MID1: variants seen among roughly 807,000 people sequenced by gnomAD.
The protein encoded by MID1 is midline 1.
MID1 carries 7 observed loss-of-function variants against 40.4 expected under a neutral mutation model. The observed-to-expected ratio is 0.17, with a 90% CI of 0.10 to 0.33. MID1 has a LOEUF of 0.33. Ranked by LOEUF, MID1 falls within the 10% of genes least tolerant of loss-of-function variation. MID1 has a pLI of 1.00. For missense variants in MID1, 367 were observed against 558.5 expected (o/e 0.66, Z 3.46); for synonymous variants, 229 against 221.2 (o/e 1.04, Z -0.31).
chrX:10,506,641 G>A, intron 3 of MID1, among the ~76,000 whole-genome samples: 1 of 111,782 alleles, frequency 8.9e-6, no homozygotes, highest in South Asian at 3.8e-4. Flanking sequence ...ACCTGTGAGT[G>A]CAATATGGGT....
chrX:10,732,451 A>T (rs919731816), intron 1 of MID1, among the ~76,000 whole-genome samples: 1 of 112,348 alleles, frequency 8.9e-6, no homozygotes, highest in African/African-American at 3.2e-5. Context: ...ATGTAGATTG[A>T]AAACCATAAA....
intron 3 of MID1, among the ~76,000 whole-genome samples, chrX:10,515,949 G>A (rs1932376914): frequency 8.9e-6 from 1 of 111,945 alleles, no homozygotes; most frequent in Non-Finnish European, 1.9e-5. Context: ...GTGATGAAGA[G>A]ATACAGTCCT....
Position 10,746,115 on chromosome X carries a change from C to A in MID1, c.-187+87439G>T, listed in dbSNP as rs761224566. ...GACTGTTCACTGGGTAGAGAAGAGGCGGCATTCCTGAGCAGAGATAATTAT... is the reference window on the plus strand; with the variant it reads ...GACTGTTCACTGGGTAGAGAAGAGGAGGCATTCCTGAGCAGAGATAATTAT... On this transcript the variant is annotated intron_variant, in intron 1 of 10. Coordinates refer to the MID1 transcript ENST00000380785. 5.4e-5 allele frequency among the ~76,000 whole-genome samples: 6 copies of A among 111,751 alleles called. No individual in the cohort carries two copies. In the South Asian group the frequency reaches 2.3e-3, roughly 43 times the overall value.
At chrX:10,465,212 TATACACACACAC>T (rs1406025133) in intron 7 of MID1, among the ~76,000 whole-genome samples, 6 of 56,022 alleles carry the variant, frequency 1.1e-4, no homozygotes, top group Admixed American at 3.7e-4. Context: ...TATATATATA[TATACACACACAC>T]ACACACACAC....
chrX:10,675,623 G>C (rs752598931), intron 1 of MID1, among the ~76,000 whole-genome samples: 7 of 111,027 alleles, frequency 6.3e-5, no homozygotes, highest in Non-Finnish European at 1.9e-5. Context: ...AGTTTGCCAG[G>C]ATATGATAAA....
At chrX:10,640,730 C>T (rs763775129) in intron 1 of MID1, among the ~76,000 whole-genome samples, 1 of 110,501 alleles carries the variant, frequency 9.0e-6, no homozygotes, top group Non-Finnish European at 1.9e-5. Flanking sequence ...CAGCACCACA[C>T]CACACTTATT....
chrX:10,827,220 G>A (rs1164288588), intron 1 of MID1, among the ~76,000 whole-genome samples: 2 of 111,097 alleles, frequency 1.8e-5, no homozygotes, highest in African/African-American at 6.6e-5. Context: ...TAACCCAGCC[G>A]ATATTGGGAG....
chrX:10,713,776 T>G (rs1337885597), intron 1 of MID1, among the ~76,000 whole-genome samples: 1 of 111,952 alleles, frequency 8.9e-6, no homozygotes, highest in Non-Finnish European at 1.9e-5. Flanking sequence ...AGCCCACTAG[T>G]TGAGATGGTC....
chrX:10,504,558 C>T (rs1931728710), intron 3 of MID1, among the ~76,000 whole-genome samples: 1 of 111,831 alleles, frequency 8.9e-6, no homozygotes, highest in Non-Finnish European at 1.9e-5. Flanking sequence ...TGAGGACTTT[C>T]TAGCATGAAT....
At chrX:10,751,675 C>T (rs57826983) in intron 1 of MID1, among the ~76,000 whole-genome samples, 11,621 of 111,431 alleles carry the variant, frequency 0.1, 1,466 homozygotes, top group African/African-American at 0.36. Context: ...AAAGGGTCTT[C>T]ATTGTCTGAA....
At chrX:10,464,094 G>A (rs982022094) in intron 7 of MID1, among the ~76,000 whole-genome samples, 2 of 111,620 alleles carry the variant, frequency 1.8e-5, no homozygotes, top group African/African-American at 6.5e-5. Flanking sequence ...CTGGGAGAAT[G>A]GGCCTTTCTG....
At chrX:10,719,832 A>G (rs975301846) in intron 1 of MID1, among the ~76,000 whole-genome samples, 3 of 111,612 alleles carry the variant, frequency 2.7e-5, no homozygotes, top group Non-Finnish European at 5.6e-5. Context: ...ACAGCATGAT[A>G]CTGGTACCAA....
chrX:10,653,364 C>T (rs1162812106), intron 1 of MID1, among the ~76,000 whole-genome samples: 1 of 112,728 alleles, frequency 8.9e-6, no homozygotes, highest in African/African-American at 3.2e-5. Flanking sequence ...TTAACTTGGG[C>T]AAAACCAGTT....
At chrX:10,632,609 C>G (rs1376833167) in intron 1 of MID1, among the ~76,000 whole-genome samples, 1 of 110,185 alleles carries the variant, frequency 9.1e-6, no homozygotes, top group Non-Finnish European at 1.9e-5. Context: ...AGGGCCCCAC[C>G]CCAGAGTTTC....
chrX:10,681,965 T>G (rs776608673), intron 1 of MID1, among the ~76,000 whole-genome samples: 1 of 111,659 alleles, frequency 9.0e-6, no homozygotes, highest in South Asian at 3.8e-4. Context: ...AAATAATATC[T>G]TTTGTTTGTG....
At chrX:10,478,069 G>A (rs1930110860) in intron 5 of MID1, among the ~76,000 whole-genome samples, 2 of 112,062 alleles carry the variant, frequency 1.8e-5, no homozygotes, top group African/African-American at 6.5e-5. Flanking sequence ...GAACCTCCTA[G>A]GTGCTTTGAA....
At chrX:10,652,658 G>A (rs1936328739) in intron 1 of MID1, among the ~76,000 whole-genome samples, 1 of 111,610 alleles carries the variant, frequency 9.0e-6, no homozygotes, top group Non-Finnish European at 1.9e-5. Context: ...CTAAGAGGCT[G>A]TCCTTGCTGT....
In MID1 at chrX:10,555,254, T is replaced by C. The variant is rs190346985; in HGVS notation, c.660+11634A>G. Among the ~76,000 whole-genome samples the C allele has an allele frequency of 5.3e-5, 6 of 112,154 alleles. No individual in the cohort carries two copies. The East Asian group carries it at 1.7e-3, about 31-fold the overall frequency. Reference sequence around the variant, plus strand: ...TGGAGTCTTCATATTTTGCCCTTACTTGCAATTCCAAATGACTGAACAGTG... The same window carrying C: ...TGGAGTCTTCATATTTTGCCCTTACCTGCAATTCCAAATGACTGAACAGTG... On this transcript the variant is annotated intron_variant, in intron 2 of 9. Transcript: ENST00000317552.
intron 1 of MID1, among the ~76,000 whole-genome samples, chrX:10,716,057 T>A (rs1483171221): frequency 1.8e-5 from 2 of 110,928 alleles, no homozygotes; most frequent in Non-Finnish European, 3.8e-5. Context: ...GTCACCATCA[T>A]CAAAGACCAA....
Sources: allele counts gnomAD v4.1 joint callset (sites outside exome capture counted in the v4.1 genomes callset), GRCh38; gene constraint gnomAD v4.1.1; transcripts MANE v1.5; gene names NCBI Gene and HGNC (gene_info 2026-07-23, HGNC 2026-07-21).